The following HS3ST4 variants were observed in gnomAD, a reference collection of about 807,000 sequenced individuals.
The protein encoded by HS3ST4 is heparan sulfate glucosamine 3-O-sulfotransferase 4.
Under a neutral mutation model 29.2 loss-of-function variants are expected in HS3ST4, and 17 were observed. That is an observed-to-expected ratio of 0.58 (90% CI 0.40 to 0.87). The LOEUF is 0.87. Among genes scored for constraint, HS3ST4 ranks in the 40% least tolerant of loss-of-function variants. The pLI is 0.00. For missense variants in HS3ST4, 627 were observed against 634.5 expected, an observed-to-expected ratio of 0.99 and a Z score of 0.13; for synonymous variants, 314 against 285.7, an observed-to-expected ratio of 1.10 and a Z score of -1.00.
chr16:26,001,651 C>G (rs1969212664), intron 1 of HS3ST4, among the ~76,000 whole-genome samples: 1 of 152,102 alleles, frequency 6.6e-6, no homozygotes, highest in South Asian at 2.1e-4. Flanking sequence ...TGAATTTATC[C>G]TGTTAGCAGA....
intron 1 of HS3ST4, among the ~76,000 whole-genome samples, chr16:25,903,786 A>G (rs1311202281): frequency 6.6e-6 from 1 of 152,112 alleles, no homozygotes; most frequent in Non-Finnish European, 1.5e-5. Flanking sequence ...CCCCTCCCAC[A>G]TTCTCTAAAC....
chr16:25,928,026 C>T (rs1237648957), intron 1 of HS3ST4, among the ~76,000 whole-genome samples: 1 of 134,392 alleles, frequency 7.4e-6, no homozygotes, highest in African/African-American at 2.9e-5. Context: ...TGGAGATACC[C>T]CATCTCGACA....
Position 25,839,526 on chromosome 16 carries a change from G to A in HS3ST4, c.734+146375G>A, listed in dbSNP as rs1275905582. On this transcript the variant is annotated intron_variant, in intron 1 of 1. Coordinates refer to ENST00000331351, the MANE Select transcript of HS3ST4 (RefSeq NM_006040.3). The stretch of plus-strand genomic sequence containing the variant: ...AATAAAAACATCCTCTCCACCCTCC[G>A]GACTAGCATTCTCATTGAGTGATCT... Among the ~76,000 whole-genome samples, 7 of 152,212 alleles carry A rather than the reference G, an allele frequency of 4.6e-5. No homozygotes were observed. The South Asian group carries it at 6.2e-4, about 14-fold the overall frequency.
intron 1 of HS3ST4, among the ~76,000 whole-genome samples, chr16:26,117,497 G>A (rs1194292257): frequency 6.6e-6 from 1 of 152,210 alleles, no homozygotes; most frequent in Non-Finnish European, 1.5e-5. Context: ...CCTTCCCAGA[G>A]ACTGGAGACA....
chr16:25,862,163 A>ATATTTATTTATTTATTTATT (rs60894635), intron 1 of HS3ST4, among the ~76,000 whole-genome samples: 2 of 144,704 alleles, frequency 1.4e-5, no homozygotes, highest in African/African-American at 2.5e-5. Context: ...ATTTATTTAC[A>ATATTTATTTATTTATTTATT]TATTTATTTA....
chr16:26,085,384 G>A (rs952263261), intron 1 of HS3ST4, among the ~76,000 whole-genome samples: 3 of 152,170 alleles, frequency 2.0e-5, no homozygotes, highest in Non-Finnish European at 4.4e-5. Context: ...AGATCCAGCA[G>A]TATCATAGAT....
At chr16:26,022,846 A>AT (rs200076649) in intron 1 of HS3ST4, among the ~76,000 whole-genome samples, 2,302 of 152,218 alleles carry the variant, frequency 0.015, 38 homozygotes, top group Admixed American at 0.022. Flanking sequence ...AACAACTTTA[A>AT]TAACTGTATT....
intron 1 of HS3ST4, among the ~76,000 whole-genome samples, chr16:25,934,425 A>G (rs1338608119): frequency 2.0e-5 from 3 of 152,202 alleles, no homozygotes; most frequent in Non-Finnish European, 2.9e-5. Context: ...ATGGACAATG[A>G]AGGGAGGTTA....
At chr16:25,711,186 G>A (rs1377186177) in intron 1 of HS3ST4, among the ~76,000 whole-genome samples, 1 of 152,030 alleles carries the variant, frequency 6.6e-6, no homozygotes, top group African/African-American at 2.4e-5. Context: ...CTTTGGCGAT[G>A]TCTACTTACT....
At chr16:26,071,932 G>A (rs1432391204) in intron 1 of HS3ST4, among the ~76,000 whole-genome samples, 2 of 152,296 alleles carry the variant, frequency 1.3e-5, no homozygotes, top group Non-Finnish European at 2.9e-5. Context: ...TCAAATTGGA[G>A]CCAACTGGAA....
chr16:25,773,132 A>G (rs1966844379), intron 1 of HS3ST4, among the ~76,000 whole-genome samples: 1 of 152,114 alleles, frequency 6.6e-6, no homozygotes, highest in Non-Finnish European at 1.5e-5. Flanking sequence ...CAGCAACTAA[A>G]TGTCACACAA....
chr16:26,106,656 T>C (rs541394524), intron 1 of HS3ST4, among the ~76,000 whole-genome samples: 1 of 152,136 alleles, frequency 6.6e-6, no homozygotes. Flanking sequence ...ACAATGATGG[T>C]GAATAAAGGC....
intron 1 of HS3ST4, among the ~76,000 whole-genome samples, chr16:26,103,547 C>G (rs1283489832): frequency 6.6e-6 from 1 of 152,150 alleles, no homozygotes; most frequent in Non-Finnish European, 1.5e-5. Flanking sequence ...TCCACCCACC[C>G]TACTCCCTAC....
intron 1 of HS3ST4, among the ~76,000 whole-genome samples, chr16:26,038,667 T>C (rs1749853113): frequency 6.7e-6 from 1 of 149,588 alleles, no homozygotes; most frequent in African/African-American, 2.5e-5. Flanking sequence ...TGTATGTATG[T>C]ATGTATGTAT....
At chr16:25,708,531 T>C (rs1368612095) in intron 1 of HS3ST4, among the ~76,000 whole-genome samples, 1 of 152,292 alleles carries the variant, frequency 6.6e-6, no homozygotes, top group African/African-American at 2.4e-5. Context: ...TGGACAAAAA[T>C]GAAAATGCCA....
chr16:26,047,026 G>T lies in HS3ST4; in HGVS notation c.735-88586G>T, dbSNP rs150942359. Among the ~76,000 whole-genome samples the T allele has an allele frequency of 2.8e-3, 431 of 152,258 alleles. 1 individual carries two copies. Among genetic ancestry groups the T allele is most frequent in the African/African-American group, 0.01 (420 of 41,550 alleles). ...GCAAAATAAAAAAAAAGAGTAAAAA[G>T]CTATAGCTGCCTTGATTTACCTGTT... is the stretch of plus-strand genomic sequence containing the variant. On this transcript the variant is annotated intron_variant, in intron 1 of 1. Transcript: ENST00000331351.
In HS3ST4 at chr16:26,053,807, A is replaced by G. The variant is rs148136807; in HGVS notation, c.735-81805A>G. ...CCATTTACTGTGGATATTTTATGCA[A>G]GTGTAACAATACCACCATTTTGTGG... On this transcript the variant is annotated intron_variant, in intron 1 of 1. Coordinates refer to ENST00000331351, the MANE Select transcript of HS3ST4 (RefSeq NM_006040.3). Among the ~76,000 whole-genome samples the G allele has an allele frequency of 4.5e-3, 680 of 152,294 alleles. 5 individuals are homozygous for G. The highest frequency in any genetic ancestry group is 0.015 in the African/African-American group (624 of 41,552).
chr16:26,037,591 T>C (rs868310399), intron 1 of HS3ST4, among the ~76,000 whole-genome samples: 6 of 152,120 alleles, frequency 3.9e-5, no homozygotes, highest in African/African-American at 7.2e-5. Flanking sequence ...ATCTGAGAAA[T>C]AGAGGATTCT....
At chr16:26,043,569 G>C (rs1898228971) in intron 1 of HS3ST4, among the ~76,000 whole-genome samples, 1 of 152,296 alleles carries the variant, frequency 6.6e-6, no homozygotes, top group Admixed American at 6.5e-5. Context: ...AGGATTAAGT[G>C]AGGTCCCAGA....
Sources: gnomAD v4.1 joint callset for allele counts (sites outside exome capture counted in the v4.1 genomes callset) on GRCh38, gnomAD v4.1.1 for gene constraint, MANE v1.5 for transcripts, NCBI Gene and HGNC (gene_info 2026-07-23, HGNC 2026-07-21) for gene names.